The following AXIN1 variants were observed in gnomAD, a reference collection of about 807,000 sequenced individuals.
AXIN1 encodes the protein axin-1.
A neutral mutation model predicts 76.4 loss-of-function variants in AXIN1; 30 were observed. That is an observed-to-expected ratio of 0.39 (90% CI 0.29 to 0.53). The LOEUF (loss-of-function observed/expected upper bound fraction) is 0.53. Ranked by LOEUF, AXIN1 falls within the 20% of genes least tolerant of loss-of-function variation. AXIN1 has a pLI of 0.66. For missense variants in AXIN1, 1,140 were observed against 1,198.8 expected, an observed-to-expected ratio of 0.95 and a Z score of 0.72; for synonymous variants, 545 against 501.4, an observed-to-expected ratio of 1.09 and a Z score of -1.16.
intron 2 of AXIN1, among the ~76,000 whole-genome samples, chr16:315,035 G>A (rs561844157): frequency 9.9e-4 from 151 of 152,330 alleles, no homozygotes; most frequent in African/African-American, 3.3e-3. Flanking sequence ...AGTGCGCGTC[G>A]GGAGAGGACA....
intron 2 of AXIN1, among the ~76,000 whole-genome samples, chr16:339,555 G>GCCTATAATC (rs1012791101): frequency 6.6e-6 from 1 of 151,264 alleles, no homozygotes; most frequent in African/African-American, 2.4e-5. Flanking sequence ...GGCGGCAGGT[G>GCCTATAATC]CCTATAATCC....
At chr16:352,234 AC>A in intron 1 of AXIN1, 134 bp downstream of exon 1, 1 of 466,434 alleles carries the variant, frequency 2.1e-6, no homozygotes, top group Non-Finnish European at 2.8e-6. Flanking sequence ...GCCCAGGGAC[AC>A]CCCGGCCCCA....
At chr16:325,804 C>A in intron 2 of AXIN1, among the ~76,000 whole-genome samples, 1 of 152,234 alleles carries the variant, frequency 6.6e-6, no homozygotes, top group East Asian at 1.9e-4. Context: ...TTCGGAAACA[C>A]CAAGAAACGA....
Position 287,936 on chromosome 16 carries a change from G to A in AXIN1, c.*186C>T. 1 of 955,848 alleles carries A rather than the reference G, an allele frequency of 1.0e-6. No homozygotes were observed. Among genetic ancestry groups the A allele is most frequent in the Non-Finnish European group, 1.6e-6 (1 of 615,960 alleles). The allele number at this position is 955,848 out of a possible 1,614,324, so 59.2% of individuals were successfully genotyped here. A position where few individuals can be genotyped will look rare whatever the true frequency, so the allele number is the denominator to read the frequency against. ...GTCCAGGCTGCCTCCTTGGGGGCAG[G>A]ACAGAAGCTTGTGGACCACTTGGAG... On this transcript the variant is annotated 3_prime_UTR_variant, in exon 11 of 11. Coordinates refer to ENST00000262320, the MANE Select transcript of AXIN1 (RefSeq NM_003502.4).
chr16:329,456 T>C (rs2053649279), intron 2 of AXIN1, among the ~76,000 whole-genome samples: 1 of 152,064 alleles, frequency 6.6e-6, no homozygotes, highest in African/African-American at 2.4e-5. Context: ...TTTCTTTTCT[T>C]TTTTTTGGAT....
intron 2 of AXIN1, among the ~76,000 whole-genome samples, chr16:327,464 G>A (rs892631765): frequency 6.6e-6 from 1 of 152,236 alleles, no homozygotes; most frequent in Non-Finnish European, 1.5e-5. Context: ...TCCACGCTGC[G>A]GCCAGCCTTT....
chr16:290,262 G>A (rs2052518409), intron 9 of AXIN1: 1 of 160,474 alleles, frequency 6.2e-6, no homozygotes. Context: ...GGCCCACTGG[G>A]GTTCAGCCCT....
At chr16:295,217 T>C (rs988936271) in intron 7 of AXIN1, among the ~76,000 whole-genome samples, 2 of 150,920 alleles carry the variant, frequency 1.3e-5, no homozygotes, top group Non-Finnish European at 3.0e-5. Context: ...GCGACTCTCC[T>C]GCCTCAGCCA....
chr16:307,285 G>A (rs1317966654), intron 4 of AXIN1, among the ~76,000 whole-genome samples: 2 of 152,228 alleles, frequency 1.3e-5, no homozygotes, highest in Non-Finnish European at 2.9e-5. Context: ...TGGCCTTGCA[G>A]GCTGCGTCAC....
At chr16:298,639 C>T (rs1017671715) in intron 5 of AXIN1, among the ~76,000 whole-genome samples, 13 of 152,200 alleles carry the variant, frequency 8.5e-5, no homozygotes, top group African/African-American at 2.2e-4. Context: ...TCCAGAATAG[C>T]GGAGACCACA....
At chr16:304,175 C>T (rs994020146) in intron 5 of AXIN1, 129 bp downstream of exon 5, 20 of 1,491,198 alleles carry the variant, frequency 1.3e-5, no homozygotes, top group Non-Finnish European at 1.6e-5. Flanking sequence ...GGGACTCAGC[C>T]GGGAGGCCTC....
chr16:311,664 G>A (rs1208034878), intron 3 of AXIN1, among the ~76,000 whole-genome samples: 4 of 152,094 alleles, frequency 2.6e-5, no homozygotes, highest in Admixed American at 6.6e-5. Context: ...CCAGCTACTC[G>A]GGAGGCTGAG....
At chr16:337,491 C>CA (rs2053830382) in intron 2 of AXIN1, among the ~76,000 whole-genome samples, 1 of 58,962 alleles carries the variant, frequency 1.7e-5, no homozygotes, top group East Asian at 5.1e-4. Context: ...CAGAGTGGGT[C>CA]AAAACCAAAA....
intron 5 of AXIN1, 51 bp from the exon 6 acceptor site, chr16:298,302 G>C (rs2052775712): frequency 2.0e-6 from 3 of 1,535,920 alleles, no homozygotes; most frequent in Admixed American, 3.9e-5. Flanking sequence ...CTGCACACTT[G>C]GGGAAAACAA....
At chr16:304,280 G>A (rs762479352) in intron 5 of AXIN1, 24 bp downstream of exon 5, 24 of 1,608,094 alleles carry the variant, frequency 1.5e-5, no homozygotes, top group South Asian at 3.3e-5. Flanking sequence ...GACGCGGAGC[G>A]CGACACCGAC....
chr16:321,473 T>C (rs972293533), intron 2 of AXIN1, among the ~76,000 whole-genome samples: 1 of 152,226 alleles, frequency 6.6e-6, no homozygotes, highest in Admixed American at 6.5e-5. Flanking sequence ...CCACGTAAAA[T>C]AATTATAGCC....
intron 5 of AXIN1, among the ~76,000 whole-genome samples, 175 bp from the exon 6 acceptor site, chr16:298,426 G>T (rs957888400): frequency 6.6e-6 from 1 of 152,268 alleles, no homozygotes; most frequent in African/African-American, 2.4e-5. Context: ...ACGGGGCATA[G>T]ACAGAAGGAG....
intron 3 of AXIN1, among the ~76,000 whole-genome samples, chr16:310,787 C>T (rs2053157140): frequency 6.6e-6 from 1 of 152,266 alleles, no homozygotes; most frequent in African/African-American, 2.4e-5. Context: ...CACTGCCAGC[C>T]CTGCACGGGA....
At chr16:303,948 C>T (rs2052944759) in intron 5 of AXIN1, among the ~76,000 whole-genome samples, 1 of 152,194 alleles carries the variant, frequency 6.6e-6, no homozygotes, top group Admixed American at 6.5e-5. Flanking sequence ...ATCTCACTTG[C>T]CAGCCACACG....
Sources: allele counts gnomAD v4.1 joint callset (sites outside exome capture counted in the v4.1 genomes callset), GRCh38; gene constraint gnomAD v4.1.1; transcripts MANE v1.5; gene names NCBI Gene and HGNC (gene_info 2026-07-23, HGNC 2026-07-21).